The following KIF26A variants were observed in gnomAD, a reference collection of about 807,000 sequenced individuals.
KIF26A encodes kinesin-like protein KIF26A.
Under a neutral mutation model 126.0 loss-of-function variants are expected in KIF26A, and 74 were observed. The observed-to-expected ratio is 0.59, with a 90% CI of 0.49 to 0.71. KIF26A has a LOEUF of 0.71. Ranked by LOEUF, KIF26A falls within the 30% of genes least tolerant of loss-of-function variation. The pLI is 0.00. For synonymous variants in KIF26A, 1,445 were observed against 1,232.7 expected (o/e 1.17, Z -3.61); for missense variants, 2,984 against 2,763.3 (o/e 1.08, Z -1.79).
chr14:104,178,443 GA>G, intron 12 of KIF26A, 106 bp from the exon 13 acceptor site: 1 of 847,140 alleles, frequency 1.2e-6, no homozygotes, highest in South Asian at 2.4e-5. Context: ...ACTGGATCCC[GA>G]AGGCCTCCCT....
intron 12 of KIF26A, 116 bp from the exon 13 acceptor site, chr14:104,178,434 C>A (rs1324383243): frequency 2.6e-6 from 2 of 760,930 alleles, no homozygotes; most frequent in African/African-American, 1.8e-5. Flanking sequence ...GATTCCTGGA[C>A]TGGATCCCGA....
At position 104,178,532 on chromosome 14, in the gene KIF26A, C is replaced by A; in HGVS notation, c.5111-18C>A. The A allele has an allele frequency of 6.9e-7, 1 of 1,441,772 alleles. No homozygotes were observed. 89.3% of individuals were successfully genotyped at this position (1,441,772 alleles called of 1,614,324 possible). A position where few individuals can be genotyped will look rare whatever the true frequency, so the allele number is the denominator to read the frequency against. ...GGGCCCCGCCTCTGTTCACCCTGTG[C>A]CCGGCTCTCCGTTCCAGGTCTGCAG... On this transcript the variant is annotated intron_variant, in intron 12 of 14. Transcript: ENST00000423312.
intron 5 of KIF26A, among the ~76,000 whole-genome samples, chr14:104,171,508 G>T (rs1178270110): frequency 1.3e-5 from 2 of 152,210 alleles, no homozygotes; most frequent in Non-Finnish European, 1.5e-5. Flanking sequence ...CACCGGCCTT[G>T]CCTCTCCCTG....
At chr14:104,169,343 T>G (rs2037936002) in intron 5 of KIF26A, among the ~76,000 whole-genome samples, 1 of 152,232 alleles carries the variant, frequency 6.6e-6, no homozygotes, top group South Asian at 2.1e-4. Flanking sequence ...CAGCAGCTCC[T>G]TCAGGAGCCC....
intron 2 of KIF26A, among the ~76,000 whole-genome samples, chr14:104,139,870 G>C (rs185280162): frequency 0.011 from 1,611 of 152,322 alleles, 10 homozygotes; most frequent in Middle Eastern, 0.031. Flanking sequence ...TTGAGTCGGG[G>C]CCCTCTGGGT....
chr14:104,157,701 G>T, intron 3 of KIF26A, 54 bp from the exon 4 acceptor site: 2 of 1,554,220 alleles, frequency 1.3e-6, no homozygotes, highest in East Asian at 4.7e-5. Flanking sequence ...GTGCCAGGGG[G>T]CAGTGGTGTC....
At chr14:104,149,380 C>T (rs570166653) in intron 2 of KIF26A, among the ~76,000 whole-genome samples, 1 of 152,326 alleles carries the variant, frequency 6.6e-6, no homozygotes, top group Admixed American at 6.5e-5. Flanking sequence ...TGGCTGGCAC[C>T]TGGGCTGCTG....
In KIF26A at chr14:104,157,919, A is replaced by C; in HGVS notation, c.900A>C (p.Ser300=). 6.6e-7 allele frequency: 1 copy of C among 1,521,630 alleles called. No homozygotes were observed. Among genetic ancestry groups the C allele is most frequent in the Non-Finnish European group, 8.8e-7 (1 of 1,133,716 alleles). 94.3% of individuals were successfully genotyped at this position (1,521,630 alleles called of 1,614,324 possible). The change falls in exon 4 of 15, where the codon TCA becomes TCC. Residue 300 remains serine (S), a synonymous_variant. Transcript: ENST00000423312. ...CGGTGGGGGGCTCCACAGGCCCCTC[A>C]GCTGCAGCCTCCTTCTTCATAAGGT... ...PGSVGGSTGP[S]AAASFFIRAM...
At chr14:104,138,802 G>C in intron 1 of KIF26A, 38 bp downstream of exon 1, 1 of 1,257,374 alleles carries the variant, frequency 8.0e-7, no homozygotes, top group Non-Finnish European at 1.0e-6. Context: ...GGCGGGCGGC[G>C]GGGGCCCGGG....
rs781344870 is a variant in KIF26A at position 104,177,053 on chromosome 14, G to A, written c.4265G>A (p.Arg1422Gln). Residue 1422 changes from arginine (R) to glutamine (Q), a missense_variant, in exon 12 of 15, where the codon CGG (arginine) becomes CAG (glutamine). Physicochemically the swap from Arg to Gln is conservative, Grantham distance 43. Transcript: ENST00000423312. ...AGGGCCACGTCCAGCCTGAAGGCCCGGGCCAGCAAGGTAGAAGCAGCACAC... is the reference window on the plus strand; with the variant it reads ...AGGGCCACGTCCAGCCTGAAGGCCCAGGCCAGCAAGGTAGAAGCAGCACAC... Reference protein sequence around the residue: ...VPRATSSLKARASKVEAAHRL... With the variant: ...VPRATSSLKAQASKVEAAHRL... 2.5e-5 allele frequency: 39 copies of A among 1,586,404 alleles called. No homozygotes were observed. Among genetic ancestry groups the A allele is most frequent in the Middle Eastern group, 1.6e-4 (1 of 6,068 alleles).
chr14:104,179,174 C>A, intron 13 of KIF26A, 62 bp from the exon 14 acceptor site: 6 of 1,404,646 alleles, frequency 4.3e-6, no homozygotes, highest in Non-Finnish European at 5.5e-6. Flanking sequence ...CACATCAGGG[C>A]TGCTTGGGGG....
chr14:104,167,637 C>G (rs75514218), intron 5 of KIF26A, among the ~76,000 whole-genome samples: 1 of 152,130 alleles, frequency 6.6e-6, no homozygotes, highest in African/African-American at 2.4e-5. Flanking sequence ...ATCCGAGTCT[C>G]GGAGAAATAC....
chr14:104,159,574 C>T (rs1471881633), intron 4 of KIF26A, among the ~76,000 whole-genome samples: 1 of 152,212 alleles, frequency 6.6e-6, no homozygotes, highest in East Asian at 1.9e-4. Flanking sequence ...GCCGGTGCCG[C>T]TTGCCAGCCG....
intron 4 of KIF26A, among the ~76,000 whole-genome samples, chr14:104,160,681 T>C (rs1437419973): frequency 6.6e-6 from 1 of 152,154 alleles, no homozygotes; most frequent in Non-Finnish European, 1.5e-5. Flanking sequence ...CCCTGAAGGT[T>C]CTGGCAACTC....
At chr14:104,154,701 C>T (rs1039702989) in intron 3 of KIF26A, among the ~76,000 whole-genome samples, 3 of 152,242 alleles carry the variant, frequency 2.0e-5, no homozygotes, top group African/African-American at 7.2e-5. Context: ...TGCTGCGAAC[C>T]GTGGCCCATT....
intron 5 of KIF26A, among the ~76,000 whole-genome samples, chr14:104,169,609 G>C (rs748573544): frequency 6.6e-6 from 1 of 152,236 alleles, no homozygotes; most frequent in Non-Finnish European, 1.5e-5. Context: ...CGCCTGAAAG[G>C]CGTTTAATAT....
chr14:104,179,808 G>T lies in KIF26A; in HGVS notation c.*18G>T. On this transcript the variant is annotated 3_prime_UTR_variant, in exon 15 of 15. Transcript: ENST00000423312. ...ACGTCTGAGGCTGGGCGCCGGACAA[G>T]AGGAGGGGGCGTGCAGCGGGCTGGA... 1 of 1,509,870 alleles carries T rather than the reference G, an allele frequency of 6.6e-7. No homozygotes were observed. 93.5% of individuals were successfully genotyped at this position (1,509,870 alleles called of 1,614,324 possible). A position where few individuals can be genotyped will look rare whatever the true frequency, so the allele number is the denominator to read the frequency against.
rs200160417 is a variant in KIF26A, at chr14:104,157,849, G to A, written c.830G>A (p.Arg277His). ...GATGGCTTGTCGAAGGCCTGGGGCC[G>A]TGGTGGAGTCTGCACGTCAGCCCTG... Reference protein sequence around the residue: ...GPDGLSKAWGRGGVCTSALVT... With the variant: ...GPDGLSKAWGHGGVCTSALVT... Residue 277 changes from arginine (R) to histidine (H), a missense_variant, in exon 4 of 15, where the codon CGT (arginine) becomes CAT (histidine). Arg to His is a conservative substitution (Grantham distance 29, BLOSUM62 0). Coordinates refer to ENST00000423312, the MANE Select transcript of KIF26A (RefSeq NM_015656.2). 1.7e-4 allele frequency: 281 copies of A among 1,608,486 alleles called. No individual in the cohort carries two copies. Among genetic ancestry groups the A allele is most frequent in the African/African-American group, 2.5e-4 (19 of 74,796 alleles).
chr14:104,172,203 C>T (rs551447444), intron 6 of KIF26A, among the ~76,000 whole-genome samples: 4 of 152,390 alleles, frequency 2.6e-5, no homozygotes, highest in Admixed American at 2.0e-4. Context: ...GGAAGCTTTC[C>T]GAGCAGCTGT....
Sources: allele counts gnomAD v4.1 joint callset (sites outside exome capture counted in the v4.1 genomes callset), GRCh38; gene constraint gnomAD v4.1.1; transcripts MANE v1.5; gene names NCBI Gene and HGNC (gene_info 2026-07-23, HGNC 2026-07-21).